Variants in EDDM13 observed in about 807,000 individuals in gnomAD.
EDDM13 encodes the protein epididymal protein 13.
EDDM13 carries 24 observed loss-of-function variants against 17.8 expected under a neutral mutation model. The observed-to-expected ratio is 1.35, with a 90% CI of 0.98 to 1.90. The LOEUF is 1.90. Ranked by LOEUF, EDDM13 falls within the 40% of genes most tolerant of loss-of-function variation. EDDM13 has a pLI of 0.00. For missense variants in EDDM13, 97 were observed against 100.8 expected (o/e 0.96, Z 0.16); for synonymous variants, 31 against 37.5 (o/e 0.83, Z 0.63).
chr19:56,299,794 A>T (rs1005904672), intron 12 of EDDM13: 1 of 152,176 alleles, frequency 6.6e-6, no homozygotes, highest in African/African-American at 2.4e-5. Flanking sequence ...GGGATTTTAA[A>T]AAGTATTTTT....
rs35911666 is a variant in EDDM13 at position 56,298,651 on chromosome 19, C to CA, written c.295+1136dup. On this transcript the variant is annotated intron_variant, in intron 12 of 14. Coordinates refer to ENST00000649256, the MANE Select transcript of EDDM13 (RefSeq NM_001354658.2). ...CTGGCAACAGAGCAAGACTCCATCT[C>CA]AAAAAAAAAAAAAAAATCTGAATAA... is the stretch of plus-strand genomic sequence containing the variant. Among the ~76,000 whole-genome samples, 671 of 138,856 alleles carry CA rather than the reference C, an allele frequency of 4.8e-3. 4 individuals are homozygous for CA. The highest frequency in any genetic ancestry group is 7.5e-3 in the Non-Finnish European group (476 of 63,306). The allele number at this position is 138,856 out of a possible 152,430, so 91.1% of individuals were successfully genotyped here.
intron 2 of EDDM13, chr19:56,280,613 T>G (rs370208027): frequency 1.1e-4 from 17 of 152,306 alleles, no homozygotes; most frequent in African/African-American, 4.1e-4. Flanking sequence ...TTATAATGAA[T>G]AGAAATTTAT....
chr19:56,281,470 C>T (rs573980641), intron 2 of EDDM13, among the ~76,000 whole-genome samples: 1 of 152,146 alleles, frequency 6.6e-6, no homozygotes, highest in African/African-American at 2.4e-5. Context: ...ACAATGCTAT[C>T]GCTGTATTGA....
At chr19:56,306,220 G>T (rs73937232) in intron 14 of EDDM13, among the ~76,000 whole-genome samples, 10,676 of 152,278 alleles carry the variant, frequency 0.07, 573 homozygotes, top group East Asian at 0.24. Context: ...CCAGGGTACG[G>T]AGAGAAAGTA....
chr19:56,301,492 G>C (rs988548515), intron 12 of EDDM13, among the ~76,000 whole-genome samples: 7 of 152,128 alleles, frequency 4.6e-5, no homozygotes, highest in African/African-American at 1.4e-4. Flanking sequence ...TCTTGGTTTC[G>C]GTGGGTTTTG....
In EDDM13 at chr19:56,310,342, C is replaced by T. The variant is rs188429632; in HGVS notation, c.*194C>T. The T allele has an allele frequency of 6.6e-6, 1 of 152,348 alleles. No individual in the cohort carries two copies. Among genetic ancestry groups the T allele is most frequent in the East Asian group, 1.9e-4 (1 of 5,178 alleles). 9.4% of individuals were successfully genotyped at this position (152,348 alleles called of 1,614,324 possible). A position where few individuals can be genotyped will look rare whatever the true frequency, so the allele number is the denominator to read the frequency against. On this transcript the variant is annotated 3_prime_UTR_variant, in exon 15 of 15. Transcript: ENST00000649256. ...GGGGGCCATGCCTTAGGGGGATGCA[C>T]CCAGGGCGGCTGAGAGAGCAACTGC...
At chr19:56,281,853 G>A (rs61619986) in intron 3 of EDDM13, among the ~76,000 whole-genome samples, 155 bp downstream of exon 3, 3 of 152,232 alleles carry the variant, frequency 2.0e-5, no homozygotes, top group African/African-American at 7.2e-5. Context: ...TCTTCACCCA[G>A]AATCTGCAGA....
chr19:56,285,883 T>C (rs1312113236), intron 6 of EDDM13, among the ~76,000 whole-genome samples: 5 of 152,340 alleles, frequency 3.3e-5, no homozygotes, highest in Non-Finnish European at 5.9e-5. Context: ...TCTGTTAAGT[T>C]CCTAAAAGGG....
rs374704460 is a variant in EDDM13 at position 56,307,539 on chromosome 19, A to G, written c.462-2585A>G. Among the ~76,000 whole-genome samples, 13 of 152,354 alleles carry G rather than the reference A, an allele frequency of 8.5e-5. No homozygotes were observed. In the East Asian group the frequency reaches 9.6e-4, roughly 11 times the overall value. On this transcript the variant is annotated intron_variant, in intron 14 of 14. Coordinates refer to ENST00000649256, the MANE Select transcript of EDDM13 (RefSeq NM_001354658.2). The stretch of plus-strand genomic sequence containing the variant: ...GTGAGGTGATGAGATTTGCAAGCAC[A>G]GGGTACAGAAGGCCTCTGCTGTCTT...
chr19:56,277,362 A>G (rs2147020576), intron 2 of EDDM13, among the ~76,000 whole-genome samples: 1 of 152,326 alleles, frequency 6.6e-6, no homozygotes, highest in South Asian at 2.1e-4. Flanking sequence ...ATAAAAAGAA[A>G]CAAAGTTCTG....
At chr19:56,307,698 G>A (rs1353367319) in intron 14 of EDDM13, among the ~76,000 whole-genome samples, 3 of 152,104 alleles carry the variant, frequency 2.0e-5, no homozygotes, top group South Asian at 2.1e-4. Context: ...TGCCCTTCAG[G>A]TAATACAATT....
At chr19:56,291,966 C>T (rs192840418) in intron 9 of EDDM13, among the ~76,000 whole-genome samples, 1 of 152,192 alleles carries the variant, frequency 6.6e-6, no homozygotes. Flanking sequence ...TTATTCCCCA[C>T]AACTTCTTCA....
At chr19:56,279,794 A>G (rs916743628) in intron 2 of EDDM13, among the ~76,000 whole-genome samples, 1 of 151,722 alleles carries the variant, frequency 6.6e-6, no homozygotes, top group Non-Finnish European at 1.5e-5. Flanking sequence ...CAAACATCTC[A>G]TGATCCACAC....
intron 2 of EDDM13, among the ~76,000 whole-genome samples, chr19:56,279,365 T>C (rs765991047): frequency 2.0e-5 from 3 of 152,172 alleles, no homozygotes; most frequent in Non-Finnish European, 4.4e-5. Context: ...TTTATTCCTA[T>C]AGCCTAGCAA....
chr19:56,306,446 TC>T (rs1398224790), intron 14 of EDDM13, among the ~76,000 whole-genome samples: 1 of 4,876 alleles, frequency 2.1e-4, no homozygotes. Flanking sequence ...GCAAAGAGGG[TC>T]CCCCCCGGCC....
rs377736368 is a variant in EDDM13, at chr19:56,299,139, AT to A, written c.295+1618del. ...ATGGTAAGATTTTACAGCTTACATT[AT>A]TTTTTTTTTGAGACACGGTCTAGCT... On this transcript the variant is annotated intron_variant, in intron 12 of 14. Coordinates refer to ENST00000649256, the MANE Select transcript of EDDM13 (RefSeq NM_001354658.2). Among the ~76,000 whole-genome samples the A allele has an allele frequency of 1.4e-3, 212 of 149,996 alleles. 3 individuals carry two copies. In the South Asian group the frequency reaches 0.027, roughly 19 times the overall value.
At chr19:56,279,152 C>G (rs1018170679) in intron 2 of EDDM13, among the ~76,000 whole-genome samples, 27 of 152,214 alleles carry the variant, frequency 1.8e-4, no homozygotes, top group Admixed American at 1.1e-3. Flanking sequence ...CTTAGTCAAG[C>G]TGACACCCCA....
At chr19:56,288,928 T>C (rs2039326769) in intron 8 of EDDM13, among the ~76,000 whole-genome samples, 37 bp downstream of exon 8, 1 of 152,156 alleles carries the variant, frequency 6.6e-6, no homozygotes, top group South Asian at 2.1e-4. Context: ...TGAAATTAGA[T>C]TCTCATAACC....
At chr19:56,285,968 C>G (rs527853844) in intron 6 of EDDM13, among the ~76,000 whole-genome samples, 1 of 152,292 alleles carries the variant, frequency 6.6e-6, no homozygotes, top group Admixed American at 6.5e-5. Flanking sequence ...TCATATACAG[C>G]CTGTGGGGAT....
Sources: gnomAD v4.1 joint callset for allele counts (sites outside exome capture counted in the v4.1 genomes callset) on GRCh38, gnomAD v4.1.1 for gene constraint, MANE v1.5 for transcripts, NCBI Gene and HGNC (gene_info 2026-07-23, HGNC 2026-07-21) for gene names.